The following MAD1L1 variants were observed in gnomAD, a reference collection of about 807,000 sequenced individuals.
MAD1L1 encodes the protein mitotic arrest deficient 1 like 1.
A neutral mutation model predicts 96.9 loss-of-function variants in MAD1L1; 95 were observed. The observed-to-expected ratio is 0.98, with a 90% CI of 0.83 to 1.16. The LOEUF (loss-of-function observed/expected upper bound fraction) is 1.16. MAD1L1 is among the 50% of genes most tolerant of loss of function. MAD1L1 has a pLI of 0.00. For synonymous variants in MAD1L1, 473 were observed against 396.6 expected, an observed-to-expected ratio of 1.19 and a Z score of -2.29; for missense variants, 1,007 against 954.4, an observed-to-expected ratio of 1.06 and a Z score of -0.73.
chr7:2,116,050 G>A (rs548683378), intron 11 of MAD1L1, among the ~76,000 whole-genome samples: 5 of 152,342 alleles, frequency 3.3e-5, no homozygotes, highest in East Asian at 3.9e-4. Flanking sequence ...TCCCTAACCC[G>A]AATATCCCTC....
chr7:2,224,937 C>T (rs1397670804), intron 4 of MAD1L1, among the ~76,000 whole-genome samples: 3 of 152,178 alleles, frequency 2.0e-5, no homozygotes, highest in Admixed American at 6.5e-5. Flanking sequence ...ACCTCCTAAG[C>T]CTGTCACTCC....
chr7:2,008,575 G>A (rs1782141055), intron 13 of MAD1L1, among the ~76,000 whole-genome samples: 1 of 152,226 alleles, frequency 6.6e-6, no homozygotes, highest in African/African-American at 2.4e-5. Flanking sequence ...AGCTTCCCAA[G>A]GCCCGGGGTG....
At chr7:2,051,580 G>A (rs1260367210) in intron 12 of MAD1L1, among the ~76,000 whole-genome samples, 1 of 152,046 alleles carries the variant, frequency 6.6e-6, no homozygotes, top group South Asian at 2.1e-4. Flanking sequence ...CATTGAAACC[G>A]CACATGAAGA....
chr7:1,937,026 CTTTT>C, intron 16 of MAD1L1, 129 bp from the exon 17 acceptor site: 1 of 724,404 alleles, frequency 1.4e-6, no homozygotes, highest in Non-Finnish European at 2.2e-6. Flanking sequence ...GTGCTCAGTT[CTTTT>C]GTCTTCTTGA....
chr7:2,221,011 A>T (rs867537753), intron 5 of MAD1L1: 1 of 1,612,312 alleles, frequency 6.2e-7, no homozygotes. Context: ...AAGGAGCGTG[A>T]CAATCAGGAC....
At position 1,816,166 on chromosome 7, in the gene MAD1L1, G is replaced by A. The variant is rs747710241; in HGVS notation, c.2061C>T (p.Gly687=). The part of the protein sequence containing the change: ...LLETEFSHTV[G]ELIEVHLRRQ... ...GCCGCAGGTGCACCTCGATGAGCTCGCCCACGGTGTGTGAGAACTCTGTCT... is the reference window on the plus strand; with the variant it reads ...GCCGCAGGTGCACCTCGATGAGCTCACCCACGGTGTGTGAGAACTCTGTCT... Residue 687 remains glycine, a synonymous_variant, in exon 19 of 19, where the codon GGC becomes GGT. Coordinates refer to ENST00000265854, the MANE Select transcript of MAD1L1 (RefSeq NM_001013836.2). The A allele has an allele frequency of 1.5e-5, 25 of 1,613,378 alleles. No individual in the cohort carries two copies. Among genetic ancestry groups the A allele is most frequent in the East Asian group, 4.5e-5 (2 of 44,884 alleles).
At position 1,898,352 on chromosome 7, in the gene MAD1L1, G is replaced by A. The variant is rs1787024725; in HGVS notation, c.1846C>T (p.Gln616Ter). The A allele has an allele frequency of 6.2e-7, 1 of 1,613,936 alleles. No homozygotes were observed. The highest frequency in any genetic ancestry group is 1.7e-5 in the Admixed American group (1 of 60,008). Residue 616 changes from glutamine (Q) to a stop codon, truncating the protein, a stop_gained, in exon 18 of 19, where the codon CAG (glutamine) becomes TAG (stop). Coordinates refer to ENST00000265854, the MANE Select transcript of MAD1L1 (RefSeq NM_001013836.2). LOFTEE classifies it high-confidence loss of function. ...GTCTGGAAAACCTCCTTGAGCCGCTGGTTCTTCAGCTCGGCACTCTCCACC... is the reference window on the plus strand; with the variant it reads ...GTCTGGAAAACCTCCTTGAGCCGCTAGTTCTTCAGCTCGGCACTCTCCACC... Reference protein sequence around the residue: ...KQVESAELKNQRLKEVFQTKI... With the variant: ...KQVESAELKN
chr7:1,852,861 C>T lies in MAD1L1; in HGVS notation c.1999-36633G>A, dbSNP rs192477043. Among the ~76,000 whole-genome samples the T allele has an allele frequency of 4.7e-3, 717 of 152,318 alleles. 3 individuals are homozygous for T. Among genetic ancestry groups the T allele is most frequent in the Admixed American group, 0.014 (220 of 15,302 alleles). The stretch of plus-strand genomic sequence containing the variant: ...AACAAATGAGACTCTGAGAGCCGCA[C>T]GTGCTGAGCCTGGAAGGGGCGCCTC... On this transcript the variant is annotated intron_variant, in intron 18 of 18. Coordinates refer to ENST00000265854, the MANE Select transcript of MAD1L1 (RefSeq NM_001013836.2).
chr7:2,130,073 C>G (rs749317744), intron 11 of MAD1L1, among the ~76,000 whole-genome samples: 25 of 152,246 alleles, frequency 1.6e-4, no homozygotes, highest in Non-Finnish European at 3.2e-4. Context: ...GAAATGCCAC[C>G]TGGCTGCCCC....
chr7:2,231,540 G>T (rs1478607734), intron 1 of MAD1L1, among the ~76,000 whole-genome samples: 1 of 152,040 alleles, frequency 6.6e-6, no homozygotes, highest in Non-Finnish European at 1.5e-5. Flanking sequence ...CCAGGAGATG[G>T]AGGTTGCAGT....
At chr7:1,867,754 G>A (rs1033296383) in intron 18 of MAD1L1, among the ~76,000 whole-genome samples, 3 of 152,212 alleles carry the variant, frequency 2.0e-5, no homozygotes, top group Non-Finnish European at 4.4e-5. Context: ...ACAGGGAGGT[G>A]ACACAGTCCC....
chr7:2,198,970 G>A (rs1008024460), intron 10 of MAD1L1, among the ~76,000 whole-genome samples: 2 of 152,168 alleles, frequency 1.3e-5, no homozygotes, highest in African/African-American at 2.4e-5. Context: ...TGTGGGGCCC[G>A]ACAGGCTGAG....
chr7:2,176,067 T>A (rs1438215877), intron 10 of MAD1L1, among the ~76,000 whole-genome samples: 1 of 151,990 alleles, frequency 6.6e-6, no homozygotes, highest in Non-Finnish European at 1.5e-5. Context: ...TAAGGATGAG[T>A]CTGGGTGCGG....
chr7:1,909,816 C>T (rs963326211), intron 17 of MAD1L1, among the ~76,000 whole-genome samples: 1 of 152,212 alleles, frequency 6.6e-6, no homozygotes, highest in Non-Finnish European at 1.5e-5. Context: ...CCTTGAGACA[C>T]GGCCTCCATG....
At chr7:1,962,558 AT>A (rs895323490) in intron 15 of MAD1L1, among the ~76,000 whole-genome samples, 4 of 152,232 alleles carry the variant, frequency 2.6e-5, no homozygotes, top group Non-Finnish European at 5.9e-5. Context: ...AAATAATCTG[AT>A]AAAGGCCTTG....
intron 18 of MAD1L1, among the ~76,000 whole-genome samples, chr7:1,890,539 G>A (rs1278653240): frequency 6.6e-6 from 1 of 152,210 alleles, no homozygotes; most frequent in Non-Finnish European, 1.5e-5. Context: ...AGAATTGTGA[G>A]CCAAATACAC....
intron 12 of MAD1L1, among the ~76,000 whole-genome samples, chr7:2,032,041 G>A (rs1041475853): frequency 1.3e-5 from 2 of 152,196 alleles, no homozygotes; most frequent in African/African-American, 2.4e-5. Flanking sequence ...TTTCTCCACC[G>A]ACGGGTAACA....
At chr7:1,914,087 C>A (rs1276011790) in intron 17 of MAD1L1, among the ~76,000 whole-genome samples, 1 of 152,222 alleles carries the variant, frequency 6.6e-6, no homozygotes, top group Non-Finnish European at 1.5e-5. Flanking sequence ...AGGTCCCAGG[C>A]CCGACCCCAC....
chr7:1,934,700 A>G (rs1441718681), intron 17 of MAD1L1, among the ~76,000 whole-genome samples: 2 of 150,046 alleles, frequency 1.3e-5, no homozygotes, highest in Non-Finnish European at 3.0e-5. Context: ...ACAGGCAGAG[A>G]CCCAGACAAA....
Sources: gnomAD v4.1 joint callset for allele counts (sites outside exome capture counted in the v4.1 genomes callset) on GRCh38, gnomAD v4.1.1 for gene constraint, MANE v1.5 for transcripts, NCBI Gene and HGNC (gene_info 2026-07-23, HGNC 2026-07-21) for gene names.